The following ZFP91 variants were observed in gnomAD, a reference collection of about 807,000 sequenced individuals.
ZFP91 encodes the protein E3 ubiquitin-protein ligase ZFP91.
Under a neutral mutation model 63.5 loss-of-function variants are expected in ZFP91, and 7 were observed. That is an observed-to-expected ratio of 0.11 (90% confidence interval 0.06 to 0.21). The LOEUF is 0.21. Ranked by LOEUF, ZFP91 falls within the 10% of genes least tolerant of loss-of-function variation. The probability of loss-of-function intolerance (pLI) is 1.00; values close to 1 mark genes in which losing one functional copy is unlikely to be tolerated. For synonymous variants in ZFP91, 330 were observed against 272.1 expected (o/e 1.21, Z -2.10); for missense variants, 628 against 736.6 (o/e 0.85, Z 1.71).
intron 1 of ZFP91, 116 bp from the exon 2 acceptor site, chr11:58,584,740 A>C (rs7945334): frequency 9.8e-6 from 9 of 914,450 alleles, no homozygotes; most frequent in Non-Finnish European, 1.4e-5. Context: ...ATTCTGTAGG[A>C]CAACACTAGT....
At position 58,579,065 on chromosome 11, in the gene ZFP91, GGCGCGCGC is replaced by G. The variant is rs35866007; in HGVS notation, c.-208_-201del. The G allele has an allele frequency of 2.6e-5, 9 of 340,498 alleles. No homozygotes were observed. Among genetic ancestry groups the G allele is most frequent in the Non-Finnish European group, 3.6e-5 (7 of 195,316 alleles). 21.1% of individuals were successfully genotyped at this position (340,498 alleles called of 1,614,324 possible). A position where few individuals can be genotyped will look rare whatever the true frequency, so the allele number is the denominator to read the frequency against. On this transcript the variant is annotated 5_prime_UTR_variant, in exon 1 of 11. Transcript: ENST00000316059. ...TCCGATTGGCCCGCTGAGCGTCTGT[GGCGCGCGC>G]GCGCGCGCCGCCAGCGGTAGCGGAC...
At chr11:58,600,603 A>G (rs1237233198) in intron 2 of ZFP91, among the ~76,000 whole-genome samples, 5 of 152,116 alleles carry the variant, frequency 3.3e-5, no homozygotes, top group Admixed American at 6.5e-5. Flanking sequence ...TCACCTGCAA[A>G]TAGAGATACA....
intron 2 of ZFP91, among the ~76,000 whole-genome samples, chr11:58,606,084 G>A (rs1281357845): frequency 6.6e-6 from 1 of 151,952 alleles, no homozygotes; most frequent in Non-Finnish European, 1.5e-5. Context: ...TGGGGGGGGT[G>A]TGGTTTCACT....
intron 10 of ZFP91, 56 bp downstream of exon 10, chr11:58,616,871 A>C (rs1296179211): frequency 5.2e-6 from 8 of 1,527,856 alleles, no homozygotes; most frequent in Non-Finnish European, 7.2e-6. Context: ...CCCTACTTGA[A>C]GGTTTGCCGC....
At chr11:58,580,213 A>T (rs577377090) in intron 1 of ZFP91, among the ~76,000 whole-genome samples, 2 of 151,930 alleles carry the variant, frequency 1.3e-5, no homozygotes, top group East Asian at 1.9e-4. Flanking sequence ...GGAGTCTTTC[A>T]TATAAAATTA....
chr11:58,605,588 G>A (rs1855557669), intron 2 of ZFP91, among the ~76,000 whole-genome samples: 1 of 150,626 alleles, frequency 6.6e-6, no homozygotes, highest in Non-Finnish European at 1.5e-5. Flanking sequence ...TCATCACTTT[G>A]TTATCACACT....
Position 58,618,647 on chromosome 11 carries a change from T to TGGG in ZFP91, c.*942_*944dup, listed in dbSNP as rs761648917. 1 of 456,538 alleles carries TGGG rather than the reference T, an allele frequency of 2.2e-6. No individual in the cohort carries two copies. The highest frequency in any genetic ancestry group is 1.6e-5 in the South Asian group (1 of 64,490). The allele number at this position is 456,538 out of a possible 1,614,324, so 28.3% of individuals were successfully genotyped here. A position where few individuals can be genotyped will look rare whatever the true frequency, so the allele number is the denominator to read the frequency against. ...AGAGAGAGATTAGATTATTTTGACATGGGATCCCTTCCATAACAGGTACTT... is the reference window on the plus strand; with the variant it reads ...AGAGAGAGATTAGATTATTTTGACATGGGGGGATCCCTTCCATAACAGGTACTT... On this transcript the variant is annotated 3_prime_UTR_variant, in exon 11 of 11. Coordinates refer to ENST00000316059, the MANE Select transcript of ZFP91 (RefSeq NM_053023.5).
Position 58,579,527 on chromosome 11 carries a change from C to T in ZFP91, c.246C>T (p.Ser82=). Residue 82 remains serine (S), a synonymous_variant, in exon 1 of 11, where the codon AGC becomes AGT. Transcript: ENST00000316059. The part of the protein sequence containing the change: ...RKAEYPRRRR[S]SPSARPPDVP... ...CCGAGTATCCCCGCCGGCGGAGGAGCAGCCCCAGCGCCAGGCCTCCCGACG... is the reference window on the plus strand; with the variant it reads ...CCGAGTATCCCCGCCGGCGGAGGAGTAGCCCCAGCGCCAGGCCTCCCGACG... The T allele has an allele frequency of 3.2e-6, 5 of 1,571,032 alleles. No individual in the cohort carries two copies. The highest frequency in any genetic ancestry group is 4.3e-6 in the Non-Finnish European group (5 of 1,163,684).
At chr11:58,607,278 T>C (rs1855583752) in intron 2 of ZFP91, among the ~76,000 whole-genome samples, 2 of 152,182 alleles carry the variant, frequency 1.3e-5, no homozygotes, top group Non-Finnish European at 1.5e-5. Context: ...AAAGTAGTCA[T>C]GACCTATATG....
intron 2 of ZFP91, among the ~76,000 whole-genome samples, chr11:58,608,666 G>T (rs141975126): frequency 1.3e-5 from 2 of 151,960 alleles, no homozygotes; most frequent in Non-Finnish European, 2.9e-5. Context: ...GTGCAGTGGC[G>T]CAGTCTCAGC....
intron 2 of ZFP91, among the ~76,000 whole-genome samples, chr11:58,601,934 T>TC (rs948045411): frequency 6.6e-6 from 1 of 152,102 alleles, no homozygotes; most frequent in Non-Finnish European, 1.5e-5. Context: ...ATTTTTTTTT[T>TC]CCCCCAAGAT....
At position 58,620,061 on chromosome 11, in the gene ZFP91, C is replaced by A. The variant is rs190457336; in HGVS notation, c.*2355C>A. 22 of 152,204 alleles carry A rather than the reference C, an allele frequency of 1.4e-4. No homozygotes were observed. Among genetic ancestry groups the A allele is most frequent in the Admixed American group, 1.2e-3 (19 of 15,282 alleles). The allele number at this position is 152,204 out of a possible 1,614,324, so 9.4% of individuals were successfully genotyped here. On this transcript the variant is annotated 3_prime_UTR_variant, in exon 11 of 11. Transcript: ENST00000316059. ...GAAAATGTATTCTCCTTTCCTATAC[C>A]GCTCTCCCAACAAAAAAACAACTAG...
chr11:58,606,636 C>G (rs1855574426), intron 2 of ZFP91, among the ~76,000 whole-genome samples: 1 of 152,012 alleles, frequency 6.6e-6, no homozygotes, highest in East Asian at 1.9e-4. Context: ...GTTTTTCAAC[C>G]TCCCCCCAAT....
At chr11:58,580,202 T>G (rs11229534) in intron 1 of ZFP91, among the ~76,000 whole-genome samples, 3 of 152,192 alleles carry the variant, frequency 2.0e-5, no homozygotes, top group African/African-American at 7.2e-5. Flanking sequence ...ATTTTAAGTA[T>G]GGAGTCTTTC....
In ZFP91 at chr11:58,619,315, T is replaced by C. The variant is rs1387470572; in HGVS notation, c.*1609T>C. ...TCACTGGAGAGAAAAGGTAGTGTTT[T>C]TGTACAAGGTCATACCGCCAGAAGC... On this transcript the variant is annotated 3_prime_UTR_variant, in exon 11 of 11. Coordinates refer to ENST00000316059, the MANE Select transcript of ZFP91 (RefSeq NM_053023.5). The C allele has an allele frequency of 1.3e-5, 2 of 152,244 alleles. No individual in the cohort carries two copies. Among genetic ancestry groups the C allele is most frequent in the Admixed American group, 6.5e-5 (1 of 15,282 alleles). 9.4% of individuals were successfully genotyped at this position (152,244 alleles called of 1,614,324 possible).
rs1395841946 is a variant in ZFP91, at chr11:58,579,252, G to C, written c.-30G>C. 1 of 1,398,512 alleles carries C rather than the reference G, an allele frequency of 7.2e-7. No homozygotes were observed. The allele number at this position is 1,398,512 out of a possible 1,614,324, so 86.6% of individuals were successfully genotyped here. The stretch of plus-strand genomic sequence containing the variant: ...CGCCGCCTCCGCCTCCGCCGCCTAG[G>C]ACTAGGGGGTGGGGGACGGACAAGC... On this transcript the variant is annotated 5_prime_UTR_variant, in exon 1 of 11. Transcript: ENST00000316059.
At chr11:58,606,058 C>T (rs1444228194) in intron 2 of ZFP91, among the ~76,000 whole-genome samples, 1 of 151,630 alleles carries the variant, frequency 6.6e-6, no homozygotes, top group Non-Finnish European at 1.5e-5. Flanking sequence ...ATTTTTTTCT[C>T]TTAGTTCCTT....
At chr11:58,606,858 CA>C (rs1197926048) in intron 2 of ZFP91, among the ~76,000 whole-genome samples, 1 of 152,050 alleles carries the variant, frequency 6.6e-6, no homozygotes, top group Non-Finnish European at 1.5e-5. Flanking sequence ...AGAGTTTCCA[CA>C]AAGTTGATTC....
chr11:58,584,795 A>G (rs1039116864), intron 1 of ZFP91, 61 bp from the exon 2 acceptor site: 2 of 1,423,384 alleles, frequency 1.4e-6, no homozygotes, highest in Admixed American at 4.9e-5. Flanking sequence ...TGAAAGAGAT[A>G]TTTATATTTT....
Sources: allele counts gnomAD v4.1 joint callset (sites outside exome capture counted in the v4.1 genomes callset), GRCh38; gene constraint gnomAD v4.1.1; transcripts MANE v1.5; gene names NCBI Gene and HGNC (gene_info 2026-07-23, HGNC 2026-07-21).